ADGRA1: variants seen among roughly 807,000 people sequenced by gnomAD.
ADGRA1 encodes G-protein coupled receptor 123.
A neutral mutation model predicts 21.3 loss-of-function variants in ADGRA1; 12 were observed. The ratio of observed to expected loss-of-function variants is 0.56; its 90% confidence interval spans 0.36 to 0.91. The LOEUF is 0.91. ADGRA1 is among the 40% of genes least tolerant of loss of function. The pLI is 0.01. For synonymous variants in ADGRA1, 385 were observed against 368.8 expected (o/e 1.04, Z -0.50); for missense variants, 790 against 805.6 (o/e 0.98, Z 0.23).
At position 133,128,929 on chromosome 10, in the gene ADGRA1, G is replaced by A. The variant is rs767089009; in HGVS notation, c.1101G>A (p.Leu367=). ...HPPGPCKMTN[L]QAAQGHASCL... is the part of the protein sequence containing the mutation. ...CGGGCCCCTGCAAGATGACCAACCT[G>A]CAGGCCGCGCAGGGCCACGCCAGTT... is the stretch of plus-strand genomic sequence containing the variant. The change falls in exon 7 of 7, where the codon CTG becomes CTA. Residue 367 remains leucine (L), a synonymous_variant. Transcript: ENST00000392607. The A allele has an allele frequency of 6.4e-7, 1 of 1,554,214 alleles. No homozygotes were observed. Among genetic ancestry groups the A allele is most frequent in the South Asian group, 1.2e-5 (1 of 84,762 alleles).
rs2135917637 is a variant in ADGRA1 at position 133,131,538 on chromosome 10, A to C, written c.*2027A>C. On this transcript the variant is annotated 3_prime_UTR_variant, in exon 7 of 7. Transcript: ENST00000392607. The stretch of plus-strand genomic sequence containing the variant: ...CCGTCTGTGTCCTGGATCCTGGGGC[A>C]GGGCTGCTCTCCCTGGCCCCTGCAG... 6.6e-6 allele frequency: 1 copy of C among 152,542 alleles called. No homozygotes were observed. The highest frequency in any genetic ancestry group is 1.9e-4 in the East Asian group (1 of 5,184). 9.4% of individuals were successfully genotyped at this position (152,542 alleles called of 1,614,324 possible).
intron 5 of ADGRA1, among the ~76,000 whole-genome samples, chr10:133,108,729 C>T (rs1175641945): frequency 6.6e-6 from 1 of 152,150 alleles, no homozygotes; most frequent in Non-Finnish European, 1.5e-5. Flanking sequence ...TTTGCCGCAG[C>T]CTCCTGATGC....
chr10:133,102,500 C>A (rs1851813724), intron 4 of ADGRA1, among the ~76,000 whole-genome samples, 197 bp from the exon 5 acceptor site: 1 of 152,224 alleles, frequency 6.6e-6, no homozygotes, highest in African/African-American at 2.4e-5. Flanking sequence ...AAAGCTGAGC[C>A]GCTCAAGGGT....
Position 133,130,921 on chromosome 10 carries a change from C to CTA in ADGRA1, c.*1411_*1412insAT, listed in dbSNP as rs1852512789. On this transcript the variant is annotated 3_prime_UTR_variant, in exon 7 of 7. Coordinates refer to ENST00000392607, the MANE Select transcript of ADGRA1 (RefSeq NM_001083909.3). ...CATACTTAACACACACTTGCACCTG[C>CTA]TGTGCACATGTGCACACACACGTAG... The CTA allele has an allele frequency of 6.6e-6, 1 of 152,214 alleles. No homozygotes were observed. Among genetic ancestry groups the CTA allele is most frequent in the Non-Finnish European group, 1.5e-5 (1 of 68,048 alleles). 9.4% of individuals were successfully genotyped at this position (152,214 alleles called of 1,614,324 possible).
At chr10:133,111,556 GACACCTCCCTCCTAATCCCACCA>G (rs1852006845) in intron 5 of ADGRA1, among the ~76,000 whole-genome samples, 1 of 35,092 alleles carries the variant, frequency 2.8e-5, no homozygotes, top group Non-Finnish European at 4.7e-5. Flanking sequence ...GCCCACCACG[GACACCTCCCTCCTAATCCCACCA>G]GACAACCTGC....
intron 5 of ADGRA1, among the ~76,000 whole-genome samples, chr10:133,126,039 G>A (rs756310354): frequency 5.3e-5 from 8 of 152,104 alleles, no homozygotes; most frequent in Non-Finnish European, 1.0e-4. Context: ...CCTTCCTTCC[G>A]CACAGTCCAA....
At chr10:133,097,406 C>T (rs1026357796) in intron 3 of ADGRA1, among the ~76,000 whole-genome samples, 2 of 152,216 alleles carry the variant, frequency 1.3e-5, no homozygotes, top group African/African-American at 4.8e-5. Flanking sequence ...GTGTGGTGTC[C>T]GTCCAGGCAC....
intron 5 of ADGRA1, among the ~76,000 whole-genome samples, chr10:133,111,030 TGGGCCACCTGCCCACCA>T (rs1851980613): frequency 2.0e-5 from 3 of 152,146 alleles, no homozygotes; most frequent in Non-Finnish European, 4.4e-5. Context: ...CTGGGTAGGC[TGGGCCACCTGCCCACCA>T]GGGACACCTG....
In ADGRA1 at chr10:133,100,896, C is replaced by T. The variant is rs542864078; in HGVS notation, c.256-1801C>T. ...TGGGAGGTGCCTGCCGGACGCGTGA[C>T]GCCAGGCTCGGGAAGCGGAGGCAGG... On this transcript the variant is annotated intron_variant, in intron 4 of 6. Coordinates refer to ENST00000392607, the MANE Select transcript of ADGRA1 (RefSeq NM_001083909.3). 7.0e-4 allele frequency among the ~76,000 whole-genome samples: 107 copies of T among 152,310 alleles called. 1 individual carries two copies. Among genetic ancestry groups the T allele is most frequent in the Non-Finnish European group, 1.4e-3 (93 of 68,020 alleles).
chr10:133,099,447 G>A (rs568787079), intron 4 of ADGRA1, among the ~76,000 whole-genome samples: 5 of 152,272 alleles, frequency 3.3e-5, no homozygotes, highest in African/African-American at 9.6e-5. Context: ...AATGTCACTC[G>A]GGGAACCCTC....
At chr10:133,116,501 T>G in intron 5 of ADGRA1, among the ~76,000 whole-genome samples, 1 of 145,444 alleles carries the variant, frequency 6.9e-6, no homozygotes. Flanking sequence ...GGGGCGTCCC[T>G]GGGCCCTGCC....
intron 5 of ADGRA1, among the ~76,000 whole-genome samples, chr10:133,109,335 G>C (rs1397116754): frequency 6.6e-6 from 1 of 151,824 alleles, no homozygotes; most frequent in Non-Finnish European, 1.5e-5. Flanking sequence ...TGACCCCAGC[G>C]GGCCTCCAGG....
chr10:133,116,587 G>C (rs1852164112), intron 5 of ADGRA1, among the ~76,000 whole-genome samples: 1 of 151,512 alleles, frequency 6.6e-6, no homozygotes, highest in South Asian at 2.1e-4. Flanking sequence ...CCACCCACAG[G>C]CGTCCTCTCC....
At position 133,129,309 on chromosome 10, in the gene ADGRA1, A is replaced by G; in HGVS notation, c.1481A>G (p.Tyr494Cys). 1.3e-6 allele frequency: 2 copies of G among 1,555,874 alleles called. No homozygotes were observed. The highest frequency in any genetic ancestry group is 1.7e-6 in the Non-Finnish European group (2 of 1,150,922). The change falls in exon 7 of 7, where the codon TAC becomes TGC. Residue 494 changes from tyrosine to cysteine, a missense_variant. Coordinates refer to ENST00000392607, the MANE Select transcript of ADGRA1 (RefSeq NM_001083909.3). ...PEGSDGSPAL[Y>C]SCPTQPGREA... Reference sequence around the variant, plus strand: ...GGCAGTGATGGGAGCCCTGCCCTCTACAGCTGCCCCACGCAGCCGGGCAGG... The same window carrying G: ...GGCAGTGATGGGAGCCCTGCCCTCTGCAGCTGCCCCACGCAGCCGGGCAGG...
At position 133,128,649 on chromosome 10, in the gene ADGRA1, C is replaced by T. The variant is rs375880358; in HGVS notation, c.821C>T (p.Ala274Val). 60 of 1,608,448 alleles carry T rather than the reference C, an allele frequency of 3.7e-5. No individual in the cohort carries two copies. The East Asian group carries it at 6.7e-4, about 18-fold the overall frequency. Reference sequence around the variant, plus strand: ...TTCACGGCCACGTGGGCCTTCGGGGCGCTGGCGGTGTCACAGGGCCACTTC... The same window carrying T: ...TTCACGGCCACGTGGGCCTTCGGGGTGCTGGCGGTGTCACAGGGCCACTTC... ...FLFTATWAFGALAVSQGHFLD... is the reference protein window; with the variant it reads ...FLFTATWAFGVLAVSQGHFLD... Residue 274 changes from alanine (A) to valine (V), a missense_variant, in exon 7 of 7, where the codon GCG (alanine) becomes GTG (valine). Ala to Val is a moderately conservative substitution (Grantham distance 64). This residue lies in a region of ADGRA1 where 382 missense variants were observed against 415.6 expected (regional missense o/e 0.92). Transcript: ENST00000392607.
rs778932834 is a variant in ADGRA1 at position 133,128,519 on chromosome 10, C to T, written c.691C>T (p.Arg231Trp). The change falls in exon 7 of 7, where the codon CGG (arginine) becomes TGG (tryptophan). Residue 231 changes from arginine (R) to tryptophan (W), a missense_variant. This residue lies in a region of ADGRA1 where 382 missense variants were observed against 415.6 expected (regional missense o/e 0.92). Transcript: ENST00000392607. ...LATPEGGRGI[R>W]PGTPPAHDAP... ...GACACCCGAGGGCGGCCGTGGGATC[C>T]GGCCAGGCACCCCACCCGCACACGA... is the stretch of plus-strand genomic sequence containing the variant. The T allele has an allele frequency of 1.4e-5, 22 of 1,546,698 alleles. No homozygotes were observed. The highest frequency in any genetic ancestry group is 3.5e-5 in the South Asian group (3 of 84,578).
At chr10:133,118,630 C>T (rs1852199033) in intron 5 of ADGRA1, among the ~76,000 whole-genome samples, 1 of 152,174 alleles carries the variant, frequency 6.6e-6, no homozygotes, top group Non-Finnish European at 1.5e-5. Flanking sequence ...CGTGAGAACT[C>T]ATTCAGTATC....
intron 4 of ADGRA1, among the ~76,000 whole-genome samples, chr10:133,099,131 G>C (rs1190091438): frequency 1.3e-5 from 2 of 151,368 alleles, no homozygotes; most frequent in Non-Finnish European, 3.0e-5. Flanking sequence ...AGAAAGTGCT[G>C]GGGGGACACA....
intron 6 of ADGRA1, among the ~76,000 whole-genome samples, chr10:133,127,775 A>G (rs1448915040): frequency 4.1e-4 from 1 of 2,452 alleles, no homozygotes; most frequent in Non-Finnish European, 7.7e-4. Flanking sequence ...CCGCCCACCC[A>G]GCTCCACCTC....
Sources: allele counts gnomAD v4.1 joint callset (sites outside exome capture counted in the v4.1 genomes callset), GRCh38; gene constraint gnomAD v4.1.1; regional missense constraint gnomAD v4.1.1; transcripts MANE v1.5; gene names NCBI Gene and HGNC (gene_info 2026-07-23, HGNC 2026-07-21).